PLCB1: variants seen among roughly 807,000 people sequenced by gnomAD.
PLCB1 encodes 1-phosphatidylinositol 4,5-bisphosphate phosphodiesterase beta-1.
In PLCB1, 46 loss-of-function variants were observed where a neutral mutation model predicts 161.8. The observed-to-expected ratio is 0.28, with a 90% confidence interval of 0.22 to 0.36. PLCB1 has a LOEUF of 0.36. Ranked by LOEUF, PLCB1 falls within the 10% of genes least tolerant of loss-of-function variation. The probability of loss-of-function intolerance (pLI) is 1.00; values close to 1 mark genes in which losing one functional copy is unlikely to be tolerated. For missense variants in PLCB1, 1,016 were observed against 1,472.5 expected (o/e 0.69, Z 5.07); for synonymous variants, 517 against 503.7 (o/e 1.03, Z -0.35).
intron 2 of PLCB1, among the ~76,000 whole-genome samples, chr20:8,257,879 C>G (rs935651315): frequency 6.6e-6 from 1 of 152,036 alleles, no homozygotes; most frequent in Non-Finnish European, 1.5e-5. Flanking sequence ...ATGAATACCC[C>G]CCGACCACAC....
intron 3 of PLCB1, among the ~76,000 whole-genome samples, chr20:8,435,567 C>A (rs921989316): frequency 1.1e-4 from 16 of 152,110 alleles, no homozygotes; most frequent in South Asian, 2.1e-4. Context: ...AATATGACAG[C>A]CTCCGGAACT....
chr20:8,637,252 G>T (rs371471259), intron 4 of PLCB1, among the ~76,000 whole-genome samples: 1 of 152,126 alleles, frequency 6.6e-6, no homozygotes, highest in Non-Finnish European at 1.5e-5. Context: ...TGAAAAGCTG[G>T]CACTAAGGAT....
chr20:8,509,133 T>C (rs2050090), intron 3 of PLCB1, among the ~76,000 whole-genome samples: 103,684 of 152,006 alleles, frequency 0.68, 35,484 homozygotes, highest in African/African-American at 0.72. Flanking sequence ...ATTCATTAGC[T>C]GTCAAAACCT....
chr20:8,339,976 TAAAC>T (rs1985739715), intron 2 of PLCB1, among the ~76,000 whole-genome samples: 2 of 152,088 alleles, frequency 1.3e-5, no homozygotes, highest in African/African-American at 4.8e-5. Flanking sequence ...CAAAAATAAA[TAAAC>T]AACTTTTAAA....
intron 3 of PLCB1, among the ~76,000 whole-genome samples, chr20:8,402,289 C>A (rs1978588257): frequency 6.6e-6 from 1 of 152,004 alleles, no homozygotes; most frequent in African/African-American, 2.4e-5. Context: ...ATGTCTTTAG[C>A]ATACTACTTT....
chr20:8,409,576 C>T (rs1978948385), intron 3 of PLCB1, among the ~76,000 whole-genome samples: 1 of 151,960 alleles, frequency 6.6e-6, no homozygotes, highest in African/African-American at 2.4e-5. Context: ...AATTCTCCTT[C>T]CTCAGCCTCC....
In PLCB1 at chr20:8,681,912, T is replaced by C. The variant is rs1001382358; in HGVS notation, c.863-3020T>C. Among the ~76,000 whole-genome samples, 4 of 152,164 alleles carry C rather than the reference T, an allele frequency of 2.6e-5. No homozygotes were observed. The East Asian group carries it at 7.7e-4, about 29-fold the overall frequency. ...AATAATCATCCAAAAGAAGTAGTGA[T>C]TTAGCACCCACTGTGCACAAAGCAT... On this transcript the variant is annotated intron_variant, in intron 9 of 31. Transcript: ENST00000338037.
At chr20:8,279,276 A>C in intron 2 of PLCB1, among the ~76,000 whole-genome samples, 1 of 152,222 alleles carries the variant, frequency 6.6e-6, no homozygotes, top group East Asian at 1.9e-4. Flanking sequence ...ATAAATGGAT[A>C]AGCAAAACTA....
chr20:8,643,488 T>A (rs1353573669), intron 4 of PLCB1, among the ~76,000 whole-genome samples: 1 of 152,104 alleles, frequency 6.6e-6, no homozygotes, highest in East Asian at 1.9e-4. Flanking sequence ...CACTCTATGT[T>A]CCCTGCTCCT....
intron 2 of PLCB1, among the ~76,000 whole-genome samples, chr20:8,266,589 A>G (rs553056696): frequency 1.9e-4 from 29 of 152,320 alleles, no homozygotes; most frequent in African/African-American, 6.5e-4. Context: ...CATGGAGGCT[A>G]TTAATTGGGG....
At chr20:8,656,681 G>T (rs1989466058) in intron 7 of PLCB1, among the ~76,000 whole-genome samples, 1 of 150,684 alleles carries the variant, frequency 6.6e-6, no homozygotes, top group African/African-American at 2.4e-5. Flanking sequence ...AAACCAGAGG[G>T]AACATAGTTT....
chr20:8,283,604 C>T (rs1729387709), intron 2 of PLCB1, among the ~76,000 whole-genome samples: 1 of 151,382 alleles, frequency 6.6e-6, no homozygotes, highest in African/African-American at 2.4e-5. Context: ...TTTTTCAGTT[C>T]TCTAAGATAT....
At chr20:8,650,787 A>G (rs1468131399) in intron 7 of PLCB1, among the ~76,000 whole-genome samples, 1 of 152,210 alleles carries the variant, frequency 6.6e-6, no homozygotes, top group Non-Finnish European at 1.5e-5. Context: ...GTATGCTGCT[A>G]TGTGCTTATA....
chr20:8,623,759 A>G (rs994391404), intron 3 of PLCB1: 2 of 152,248 alleles, frequency 1.3e-5, no homozygotes, highest in Non-Finnish European at 2.9e-5. Context: ...GAATATTCAC[A>G]GCACCATATT....
At chr20:8,492,869 TG>T (rs1436889509) in intron 3 of PLCB1, among the ~76,000 whole-genome samples, 3 of 152,006 alleles carry the variant, frequency 2.0e-5, no homozygotes, top group Non-Finnish European at 2.9e-5. Context: ...TGTGTGTGTG[TG>T]TGTGCATTTT....
chr20:8,546,814 T>G (rs1985569563), intron 3 of PLCB1, among the ~76,000 whole-genome samples: 1 of 152,178 alleles, frequency 6.6e-6, no homozygotes, highest in Non-Finnish European at 1.5e-5. Flanking sequence ...AAAATCACAT[T>G]TCTGTTTTCC....
At chr20:8,276,965 C>CTTG (rs1263721109) in intron 2 of PLCB1, among the ~76,000 whole-genome samples, 2 of 121,824 alleles carry the variant, frequency 1.6e-5, no homozygotes, top group South Asian at 5.7e-4. Flanking sequence ...TCTTCTTCTT[C>CTTG]TTCTTCTTCT....
At chr20:8,802,195 C>A in intron 31 of PLCB1, 1 of 1,322,656 alleles carries the variant, frequency 7.6e-7, no homozygotes, top group Non-Finnish European at 1.1e-6. Context: ...TGGGAGGGGT[C>A]GCTTTTGAGA....
chr20:8,282,010 CTTAT>C (rs1467178072), intron 2 of PLCB1, among the ~76,000 whole-genome samples: 3 of 151,994 alleles, frequency 2.0e-5, no homozygotes, highest in Admixed American at 2.0e-4. Flanking sequence ...TTAAATCAGC[CTTAT>C]TTATTTACAT....
Sources: allele counts gnomAD v4.1 joint callset (sites outside exome capture counted in the v4.1 genomes callset), GRCh38; gene constraint gnomAD v4.1.1; transcripts MANE v1.5; gene names NCBI Gene and HGNC (gene_info 2026-07-23, HGNC 2026-07-21).